Variants in PPP2R1B observed in about 807,000 individuals in gnomAD.
PPP2R1B encodes protein phosphatase 2 scaffold subunit Abeta.
PPP2R1B carries 58 observed loss-of-function variants against 72.7 expected under a neutral mutation model. The ratio of observed to expected loss-of-function variants is 0.80; its 90% CI spans 0.65 to 0.99. The LOEUF (loss-of-function observed/expected upper bound fraction) is 0.99, where lower values mean the gene tolerates loss of function less well. Among genes scored for constraint, PPP2R1B ranks in the 50% least tolerant of loss-of-function variants. The pLI is 0.00. For missense variants in PPP2R1B, 695 were observed against 733.6 expected, an observed-to-expected ratio of 0.95 and a Z score of 0.61; for synonymous variants, 256 against 264.6, an observed-to-expected ratio of 0.97 and a Z score of 0.32.
chr11:111,766,080 C>T, intron 1 of PPP2R1B, 168 bp downstream of exon 1: 1 of 666,086 alleles, frequency 1.5e-6, no homozygotes, highest in Non-Finnish European at 2.6e-6. Flanking sequence ...AGGGTCGGGG[C>T]GTGTCACCAC....
downstream of PPP2R1B, among the ~76,000 whole-genome samples, chr11:111,735,677 G>A (rs896522878): frequency 9.2e-5 from 14 of 152,206 alleles, no homozygotes; most frequent in African/African-American, 1.9e-4. Flanking sequence ...TTCAAGTGGC[G>A]GGCCCAGCCC....
downstream of PPP2R1B, chr11:111,722,545 C>A (rs1377989442): frequency 2.1e-6 from 2 of 952,380 alleles, no homozygotes; most frequent in African/African-American, 1.6e-5. This position sits in a 1 kb window ranked among gnomAD's most constrained non-coding sequence, Gnocchi z 4.4. Flanking sequence ...TCAGTCCCTT[C>A]ACCCCGTGTG....
At chr11:111,751,884 GGA>G (rs1174096651) in intron 10 of PPP2R1B, among the ~76,000 whole-genome samples, 1 of 152,190 alleles carries the variant, frequency 6.6e-6, no homozygotes, top group Non-Finnish European at 1.5e-5. Flanking sequence ...GGCTGAGACA[GGA>G]GAATCGCTTA....
chr11:111,719,833 C>G, the PPP2R1B span: 1 of 1,614,116 alleles, frequency 6.2e-7, no homozygotes, highest in Non-Finnish European at 8.5e-7. Context: ...GGATGCCAGT[C>G]ACTGCCCAGC....
intron 15 of PPP2R1B, chr11:111,727,534 C>T: frequency 6.0e-6 from 1 of 167,394 alleles, no homozygotes; most frequent in Non-Finnish European, 1.3e-5. Context: ...GGGGACCCCC[C>T]CTGTAGGAGT....
At chr11:111,701,690 G>C in the PPP2R1B span, 5 of 1,340,882 alleles carry the variant, frequency 3.7e-6, no homozygotes, top group Non-Finnish European at 5.0e-6. This position sits in a 1 kb window ranked among gnomAD's most constrained non-coding sequence, Gnocchi z 4.2. Flanking sequence ...AAGTGACTGA[G>C]CTGTAGGTTA....
chr11:111,707,246 C>G, the PPP2R1B span, among the ~76,000 whole-genome samples: 2 of 152,192 alleles, frequency 1.3e-5, no homozygotes, highest in Non-Finnish European at 2.9e-5. Flanking sequence ...TTAAACATTA[C>G]GCAAGTGAGG....
At chr11:111,751,766 T>TGAATTCCTGAC in intron 10 of PPP2R1B, among the ~76,000 whole-genome samples, 1 of 152,178 alleles carries the variant, frequency 6.6e-6, no homozygotes, top group Admixed American at 6.5e-5. Context: ...TCACCTGAGG[T>TGAATTCCTGAC]CAGGAATTCA....
chr11:111,745,030 TTGTGTC>T (rs1944656173), intron 11 of PPP2R1B, among the ~76,000 whole-genome samples: 1 of 150,652 alleles, frequency 6.6e-6, no homozygotes, highest in Non-Finnish European at 1.5e-5. Context: ...GCTAGAGTAT[TTGTGTC>T]TTCTCCTCTA....
chr11:111,742,686 G>T, intron 12 of PPP2R1B, 21 bp from the exon 13 acceptor site: 1 of 1,574,022 alleles, frequency 6.4e-7, no homozygotes, highest in Non-Finnish European at 8.6e-7. Context: ...AAGTAAGATG[G>T]CACATTTAAA....
chr11:111,737,534 C>G (rs45568137), downstream of PPP2R1B: 57,698 of 1,614,216 alleles, frequency 0.036, 1,326 homozygotes, highest in Admixed American at 0.079. Context: ...CTGTCCTTCA[C>G]AGGAAATTCT....
intron 1 of PPP2R1B, chr11:111,765,751 T>C (rs1945504990): frequency 4.2e-6 from 2 of 480,012 alleles, no homozygotes; most frequent in Non-Finnish European, 8.2e-6. Flanking sequence ...ACAGAGCGGA[T>C]ACACTACTCG....
the PPP2R1B span, among the ~76,000 whole-genome samples, chr11:111,719,304 ACCTT>A: frequency 6.6e-6 from 1 of 151,602 alleles, no homozygotes; most frequent in Non-Finnish European, 1.5e-5. Flanking sequence ...TCTTTCTAAA[ACCTT>A]CCATTATGTT....
chr11:111,752,356 GACCAC>G, intron 9 of PPP2R1B, 24 bp from the exon 10 acceptor site: 1 of 1,576,206 alleles, frequency 6.3e-7, no homozygotes, highest in South Asian at 1.2e-5. Context: ...AGCCCCAAAA[GACCAC>G]ATTTAAAAAT....
At chr11:111,726,755 G>A (rs754705287), downstream of PPP2R1B, 28 of 565,910 alleles carry the variant, frequency 4.9e-5, no homozygotes, top group Non-Finnish European at 7.6e-5. Context: ...CTTTTTCTGC[G>A]GGGCTACTCT....
chr11:111,728,287 ATTT>A (rs1565408990), intron 15 of PPP2R1B: 4 of 73,040 alleles, frequency 5.5e-5, no homozygotes, highest in African/African-American at 9.4e-5. Flanking sequence ...TCTGGAATTT[ATTT>A]AATTTTTTTT....
chr11:111,756,370 A>T lies in PPP2R1B; in HGVS notation c.688-920T>A, dbSNP rs150312579. ...TTTCTATAAAGGAAATGAAAATTTT[A>T]AAATTAAGTAAAAAAGAAAAAAAAA... On this transcript the variant is annotated intron_variant, in intron 5 of 14. Coordinates refer to ENST00000527614, the MANE Select transcript of PPP2R1B (RefSeq NM_002716.5). Among the ~76,000 whole-genome samples, 1,214 of 152,150 alleles carry T rather than the reference A, an allele frequency of 8.0e-3. 27 individuals are homozygous for T. Among genetic ancestry groups the T allele is most frequent in the African/African-American group, 0.027 (1,133 of 41,558 alleles).
chr11:111,720,540 G>C, the PPP2R1B span: 1 of 1,613,964 alleles, frequency 6.2e-7, no homozygotes, highest in Non-Finnish European at 8.5e-7. Flanking sequence ...GTATGATATG[G>C]GGTCTGTTCA....
At position 111,754,988 on chromosome 11, in the gene PPP2R1B, T is replaced by C. The variant is rs1007573208; in HGVS notation, c.950A>G (p.Lys317Arg). 4.4e-6 allele frequency: 7 copies of C among 1,608,850 alleles called. No individual in the cohort carries two copies. Among genetic ancestry groups the C allele is most frequent in the Admixed American group, 3.4e-5 (2 of 59,608 alleles). ...AAATTGAACTCCTTAACCTTTTACTTTGTGGGCAGCAGCTGCCCGGACTTC... is the reference window on the plus strand; with the variant it reads ...AAATTGAACTCCTTAACCTTTTACTCTGTGGGCAGCAGCTGCCCGGACTTC... ...EAEVRAAAAHKVKELGENLPI... is the reference protein window; with the variant it reads ...EAEVRAAAAHRVKELGENLPI... Residue 317 changes from lysine to arginine, a missense_variant, in exon 7 of 15, where the codon AAA becomes AGA. Lys to Arg is a conservative substitution (Grantham distance 26). Coordinates refer to ENST00000527614, the MANE Select transcript of PPP2R1B (RefSeq NM_002716.5).
Sources: gnomAD v4.1 joint callset for allele counts (sites outside exome capture counted in the v4.1 genomes callset) on GRCh38, gnomAD v4.1.1 for gene constraint, Gnocchi (gnomAD v3.1) non-coding constraint, MANE v1.5 for transcripts, NCBI Gene and HGNC (gene_info 2026-07-23, HGNC 2026-07-21) for gene names.